Variants in ULK4 observed in about 807,000 individuals in gnomAD.
ULK4 encodes inactive serine/threonine-protein kinase ULK4.
ULK4 carries 133 observed loss-of-function variants against 160.6 expected under a neutral mutation model. The observed-to-expected ratio is 0.83, with a 90% CI of 0.72 to 0.96. The LOEUF (loss-of-function observed/expected upper bound fraction) is 0.96, where lower values mean the gene tolerates loss of function less well. Ranked by LOEUF, ULK4 falls within the 40% of genes least tolerant of loss-of-function variation. The pLI is 0.00. For missense variants in ULK4, 1,580 were observed against 1,499.5 expected (o/e 1.05, Z -0.89); for synonymous variants, 534 against 539.8 (o/e 0.99, Z 0.15).
intron 18 of ULK4, among the ~76,000 whole-genome samples, chr3:41,826,609 C>G (rs528992724): frequency 6.8e-6 from 1 of 146,094 alleles, no homozygotes; most frequent in East Asian, 2.0e-4. Flanking sequence ...GAAGAGCTAA[C>G]TATCCTAAAT....
intron 17 of ULK4, among the ~76,000 whole-genome samples, chr3:41,867,362 T>TG (rs1395695123): frequency 1.3e-5 from 2 of 151,938 alleles, no homozygotes; most frequent in South Asian, 2.1e-4. Context: ...ACTTTGGAGG[T>TG]GGGGTCTGAC....
intron 31 of ULK4, among the ~76,000 whole-genome samples, chr3:41,573,738 A>G (rs370377464): frequency 5.1e-4 from 78 of 152,360 alleles, no homozygotes; most frequent in African/African-American, 1.9e-3. Flanking sequence ...CTGTTGCTCT[A>G]GAGAATGGTA....
chr3:41,580,869 A>G (rs2030265945), intron 31 of ULK4, among the ~76,000 whole-genome samples: 2 of 152,168 alleles, frequency 1.3e-5, no homozygotes, highest in African/African-American at 4.8e-5. Context: ...GCTAAACCCA[A>G]TGCTGTATTT....
intron 34 of ULK4, among the ~76,000 whole-genome samples, chr3:41,453,256 G>C (rs573630219): frequency 6.6e-6 from 1 of 152,008 alleles, no homozygotes; most frequent in Admixed American, 6.6e-5. Context: ...GCTGGCTGCC[G>C]CCTCACACTC....
rs537129863 is a variant in ULK4 at position 41,490,028 on chromosome 3, T to A, written c.3227-26775A>T. ...TGATTTGAAACCTTGGTGGCAATGC[T>A]ATCTTCACCCACTCAACCCACAGCT... On this transcript the variant is annotated intron_variant, in intron 32 of 36. Coordinates refer to ENST00000301831, the MANE Select transcript of ULK4 (RefSeq NM_017886.4). Among the ~76,000 whole-genome samples, 57 of 152,324 alleles carry A rather than the reference T, an allele frequency of 3.7e-4. 1 individual carries two copies. Among genetic ancestry groups the A allele is most frequent in the Admixed American group, 1.8e-3 (27 of 15,298 alleles).
chr3:41,955,486 CCA>C (rs1027690574), intron 1 of ULK4: 1 of 152,296 alleles, frequency 6.6e-6, no homozygotes, highest in Non-Finnish European at 1.5e-5. Flanking sequence ...TCGATGAGGG[CCA>C]CAGAGTTACC....
chr3:41,546,110 T>A (rs1232247814), intron 32 of ULK4, among the ~76,000 whole-genome samples: 1 of 152,206 alleles, frequency 6.6e-6, no homozygotes, highest in Non-Finnish European at 1.5e-5. Context: ...CATTTTATTA[T>A]TATTATGGGT....
Position 41,435,162 on chromosome 3 carries a change from T to C in ULK4, c.3492+20335A>G, listed in dbSNP as rs1388067542. Among the ~76,000 whole-genome samples, 4 of 152,244 alleles carry C rather than the reference T, an allele frequency of 2.6e-5. No homozygotes were observed. The East Asian group carries it at 5.8e-4, about 22-fold the overall frequency. ...AGAAATAGCTTAAGCAAGCAATTTA[T>C]ACATAAGTTTACTTCTCTGTAAAGT... On this transcript the variant is annotated intron_variant, in intron 34 of 36. Transcript: ENST00000301831.
intron 31 of ULK4, among the ~76,000 whole-genome samples, chr3:41,582,258 A>G (rs1257318055): frequency 7.9e-5 from 12 of 152,090 alleles, no homozygotes; most frequent in Admixed American, 7.9e-4. Flanking sequence ...GCCTTCTGCC[A>G]TGATTGTAAG....
intron 30 of ULK4, among the ~76,000 whole-genome samples, chr3:41,647,490 G>A (rs1472397492): frequency 5.3e-5 from 8 of 152,198 alleles, no homozygotes; most frequent in African/African-American, 1.4e-4. Context: ...TATCAGCAGC[G>A]GTGGCTGCAG....
intron 25 of ULK4, among the ~76,000 whole-genome samples, chr3:41,714,736 G>T (rs962714452): frequency 6.6e-6 from 1 of 151,896 alleles, no homozygotes; most frequent in African/African-American, 2.4e-5. Flanking sequence ...ATCATAAGAA[G>T]AGACACTGTG....
intron 17 of ULK4, among the ~76,000 whole-genome samples, chr3:41,842,284 C>T (rs2041952035): frequency 1.3e-5 from 2 of 150,716 alleles, no homozygotes; most frequent in South Asian, 4.2e-4. Context: ...GCAGCCTGGG[C>T]AACAGAGTGA....
intron 17 of ULK4, among the ~76,000 whole-genome samples, chr3:41,854,535 C>T (rs1021965096): frequency 5.3e-5 from 8 of 152,122 alleles, no homozygotes; most frequent in Non-Finnish European, 1.5e-5. Context: ...CCACAAGAAT[C>T]AACGGTAAAT....
chr3:41,445,829 C>G (rs2083284708), intron 34 of ULK4, among the ~76,000 whole-genome samples: 1 of 152,034 alleles, frequency 6.6e-6, no homozygotes, highest in Non-Finnish European at 1.5e-5. Flanking sequence ...GACTTCATGT[C>G]TAAAACACCA....
chr3:41,484,415 C>G (rs1371441982), intron 32 of ULK4, among the ~76,000 whole-genome samples: 1 of 151,664 alleles, frequency 6.6e-6, no homozygotes, highest in East Asian at 1.9e-4. Flanking sequence ...ACATCCTGGT[C>G]TCAGCACTAC....
intron 2 of ULK4, among the ~76,000 whole-genome samples, chr3:41,953,728 T>A (rs899414207): frequency 4.6e-5 from 7 of 151,806 alleles, no homozygotes; most frequent in African/African-American, 1.7e-4. Context: ...TACACCAAAT[T>A]CAAAAAGTAA....
chr3:41,505,050 G>A (rs1280747939), intron 32 of ULK4, among the ~76,000 whole-genome samples: 1 of 152,132 alleles, frequency 6.6e-6, no homozygotes, highest in African/African-American at 2.4e-5. Flanking sequence ...TTATGCAGTG[G>A]TGTCAAATAA....
chr3:41,307,719 A>G (rs1267459938), intron 35 of ULK4, among the ~76,000 whole-genome samples: 1 of 152,146 alleles, frequency 6.6e-6, no homozygotes, highest in Non-Finnish European at 1.5e-5. Context: ...AGTCCTAGCC[A>G]CTTGGGAAGC....
chr3:41,311,138 T>C (rs956116570), intron 35 of ULK4, among the ~76,000 whole-genome samples: 20 of 152,246 alleles, frequency 1.3e-4, no homozygotes, highest in Admixed American at 3.3e-4. Flanking sequence ...AACGTTATTC[T>C]AGATGTTCAA....
Sources: allele counts gnomAD v4.1 joint callset (sites outside exome capture counted in the v4.1 genomes callset), GRCh38; gene constraint gnomAD v4.1.1; transcripts MANE v1.5; gene names NCBI Gene and HGNC (gene_info 2026-07-23, HGNC 2026-07-21).